OR56A3: variants seen among roughly 807,000 people sequenced by gnomAD.
The protein encoded by OR56A3 is olfactory receptor family 56 subfamily A member 3, also known as olfactory receptor 56A3.
Under a neutral mutation model 17.5 loss-of-function variants are expected in OR56A3, and 23 were observed. The ratio of observed to expected loss-of-function variants is 1.32; its 90% confidence interval spans 0.95 to 1.87. OR56A3 has a LOEUF of 1.87. Among genes scored for constraint, OR56A3 ranks in the 40% most tolerant of loss-of-function variants. OR56A3 has a pLI of 0.00. For missense variants in OR56A3, 366 were observed against 380.1 expected, an observed-to-expected ratio of 0.96 and a Z score of 0.31; for synonymous variants, 175 against 150.6, an observed-to-expected ratio of 1.16 and a Z score of -1.19.
At chr11:5,981,614 AT>A in the OR56A3 span, among the ~76,000 whole-genome samples, 1 of 152,056 alleles carries the variant, frequency 6.6e-6, no homozygotes, top group Non-Finnish European at 1.5e-5. Context: ...TTCCTCCTGA[AT>A]CTCTGTGATC....
At chr11:6,003,922 T>G in the OR56A3 span, among the ~76,000 whole-genome samples, 1,810 of 152,348 alleles carry the variant, frequency 0.012, 35 homozygotes, top group African/African-American at 0.038. Flanking sequence ...GCATATGTAA[T>G]CTACATTCTG....
chr11:6,019,635 C>T, the OR56A3 span: 2 of 152,026 alleles, frequency 1.3e-5, no homozygotes, highest in African/African-American at 2.4e-5. Flanking sequence ...CATTCACTAT[C>T]ATGAGAATTA....
At chr11:5,963,188 A>G in the OR56A3 span, among the ~76,000 whole-genome samples, 2 of 151,954 alleles carry the variant, frequency 1.3e-5, no homozygotes, top group Admixed American at 6.5e-5. Context: ...TATTTCTGCT[A>G]TTGTCTGTAA....
chr11:5,995,927 ACT>A, the OR56A3 span, among the ~76,000 whole-genome samples: 1 of 151,988 alleles, frequency 6.6e-6, no homozygotes, highest in African/African-American at 2.4e-5. Context: ...CCACCATTCT[ACT>A]CTCAAAGACT....
chr11:6,018,783 G>A, the OR56A3 span, among the ~76,000 whole-genome samples: 1 of 151,736 alleles, frequency 6.6e-6, no homozygotes, highest in East Asian at 1.9e-4. Context: ...TAAACCTCTA[G>A]CTAGACTAAT....
the OR56A3 span, among the ~76,000 whole-genome samples, chr11:5,997,211 G>T: frequency 1.3e-5 from 2 of 152,192 alleles, no homozygotes; most frequent in East Asian, 3.8e-4. Context: ...GGCTACAGCA[G>T]ATTTTGGGAT....
At chr11:6,002,082 T>C in the OR56A3 span, 13 of 1,602,364 alleles carry the variant, frequency 8.1e-6, no homozygotes, top group Non-Finnish European at 1.1e-5. Flanking sequence ...TTGGATTCCC[T>C]GCTTGATCTC....
the OR56A3 span, among the ~76,000 whole-genome samples, chr11:6,011,777 G>A: frequency 1.3e-5 from 2 of 152,318 alleles, no homozygotes; most frequent in Admixed American, 1.3e-4. Context: ...CAGGCACAGA[G>A]CAGTGAGGGG....
the OR56A3 span, among the ~76,000 whole-genome samples, chr11:5,979,564 T>C: frequency 1.3e-5 from 2 of 152,162 alleles, no homozygotes; most frequent in Non-Finnish European, 2.9e-5. Flanking sequence ...TCAGTAGTAA[T>C]GTCCTCTTTG....
the OR56A3 span, among the ~76,000 whole-genome samples, chr11:5,974,758 C>G: frequency 4.3e-4 from 65 of 152,290 alleles, 1 homozygote; most frequent in East Asian, 4.2e-3. Context: ...GGACAAATCA[C>G]TTTACCTCTC....
At chr11:5,977,427 T>C in the OR56A3 span, among the ~76,000 whole-genome samples, 1 of 152,240 alleles carries the variant, frequency 6.6e-6, no homozygotes, top group Admixed American at 6.5e-5. Flanking sequence ...AAATGGTATC[T>C]CATTGTGGTT....
chr11:5,997,869 C>A, the OR56A3 span, among the ~76,000 whole-genome samples: 1 of 152,096 alleles, frequency 6.6e-6, no homozygotes, highest in Non-Finnish European at 1.5e-5. Flanking sequence ...TCCCTATTAC[C>A]TACATCACAA....
the OR56A3 span, among the ~76,000 whole-genome samples, chr11:6,018,398 T>C: frequency 4.6e-5 from 7 of 151,994 alleles, no homozygotes; most frequent in Non-Finnish European, 1.0e-4. Flanking sequence ...AAACTAAAAC[T>C]TTGGAAACTG....
At chr11:5,977,858 C>T in the OR56A3 span, among the ~76,000 whole-genome samples, 1 of 152,120 alleles carries the variant, frequency 6.6e-6, no homozygotes, top group Non-Finnish European at 1.5e-5. Flanking sequence ...ATACTCAAGT[C>T]TTTAATTCAT....
chr11:5,961,970 T>C, the OR56A3 span, among the ~76,000 whole-genome samples: 5 of 152,196 alleles, frequency 3.3e-5, no homozygotes, highest in African/African-American at 1.2e-4. Flanking sequence ...CTTGTCTTGT[T>C]CCAGATCTCG....
rs1847875757 is a variant in OR56A3 at position 5,947,324 on chromosome 11, A to G, written c.-23A>G. The G allele has an allele frequency of 1.9e-6, 3 of 1,540,530 alleles. No individual in the cohort carries two copies. The highest frequency in any genetic ancestry group is 2.8e-5 in the African/African-American group (2 of 72,468). On this transcript the variant is annotated 5_prime_UTR_variant, in exon 3 of 3. Transcript: ENST00000641160. Reference sequence around the variant, plus strand: ...ATAATTTTCCAGATCACTGAAAGAAAGCAGTAAAATATATGGGAAAATATG... The same window carrying G: ...ATAATTTTCCAGATCACTGAAAGAAGGCAGTAAAATATATGGGAAAATATG...
At chr11:5,983,257 T>G in the OR56A3 span, among the ~76,000 whole-genome samples, 1 of 152,198 alleles carries the variant, frequency 6.6e-6, no homozygotes, top group Non-Finnish European at 1.5e-5. Context: ...GTTTTCTCTT[T>G]GGCTACATCT....
the OR56A3 span, among the ~76,000 whole-genome samples, chr11:5,985,538 T>A: frequency 6.6e-6 from 1 of 152,192 alleles, no homozygotes; most frequent in East Asian, 1.9e-4. Flanking sequence ...CAGCACTAAC[T>A]TAGAGGTTTT....
At chr11:6,011,201 AT>A in the OR56A3 span, among the ~76,000 whole-genome samples, 1 of 104,872 alleles carries the variant, frequency 9.5e-6, no homozygotes, top group East Asian at 1.2e-3. Context: ...GAGGAGATTT[AT>A]TTTATATATA....
Sources: gnomAD v4.1 joint callset for allele counts (sites outside exome capture counted in the v4.1 genomes callset) on GRCh38, gnomAD v4.1.1 for gene constraint, MANE v1.5 for transcripts, NCBI Gene and HGNC (gene_info 2026-07-23, HGNC 2026-07-21) for gene names.